The following ARHGAP24 variants were observed in gnomAD, a reference collection of about 807,000 sequenced individuals.
ARHGAP24 encodes the protein Rho GTPase activating protein 24.
A neutral mutation model predicts 76.4 loss-of-function variants in ARHGAP24; 50 were observed. That is an observed-to-expected ratio of 0.65 (90% CI 0.52 to 0.83). The LOEUF (loss-of-function observed/expected upper bound fraction) is 0.83, where lower values mean the gene tolerates loss of function less well. Ranked by LOEUF, ARHGAP24 falls within the 40% of genes least tolerant of loss-of-function variation. The probability of loss-of-function intolerance (pLI) is 0.00; values close to 1 mark genes in which losing one functional copy is unlikely to be tolerated. For missense variants in ARHGAP24, 930 were observed against 914.2 expected, an observed-to-expected ratio of 1.02 and a Z score of -0.22; for synonymous variants, 345 against 323.3, an observed-to-expected ratio of 1.07 and a Z score of -0.72.
chr4:85,959,810 G>A (rs1738139048), intron 5 of ARHGAP24, among the ~76,000 whole-genome samples: 2 of 152,156 alleles, frequency 1.3e-5, no homozygotes, highest in South Asian at 4.1e-4. Flanking sequence ...ATTTCCAACA[G>A]CAATGTATGA....
intron 1 of ARHGAP24, among the ~76,000 whole-genome samples, chr4:85,500,768 G>C (rs1438639542): frequency 6.6e-5 from 10 of 152,182 alleles, no homozygotes; most frequent in Non-Finnish European, 1.3e-4. Flanking sequence ...GCACAACGGG[G>C]AGGTTTGTTA....
At chr4:85,894,970 AAAAAAAAAAAAAAAAAAACAAAAC>A (rs1560701526) in intron 3 of ARHGAP24, among the ~76,000 whole-genome samples, 828 of 39,030 alleles carry the variant, frequency 0.021, 40 homozygotes, top group Middle Eastern at 0.043. Context: ...CAAAAAAAAA[AAAAAAAAAAAAAAAAAAACAAAAC>A]AAAAAGCAAA....
chr4:85,948,699 C>T (rs751260915), intron 5 of ARHGAP24, among the ~76,000 whole-genome samples: 2 of 152,116 alleles, frequency 1.3e-5, no homozygotes, highest in African/African-American at 4.8e-5. Flanking sequence ...CTGAAGAAAT[C>T]ATAAAAAAAG....
At chr4:85,697,824 G>A (rs907888619) in intron 2 of ARHGAP24, among the ~76,000 whole-genome samples, 49 of 152,210 alleles carry the variant, frequency 3.2e-4, no homozygotes, top group African/African-American at 9.9e-4. Flanking sequence ...GAGACAGGCA[G>A]GAAAGGGAAG....
At chr4:85,989,064 TAGAG>T (rs1027264133) in intron 8 of ARHGAP24, among the ~76,000 whole-genome samples, 5 of 150,492 alleles carry the variant, frequency 3.3e-5, no homozygotes, top group Admixed American at 6.6e-5. Context: ...ATCAAGAAAA[TAGAG>T]AGAGAACAAA....
chr4:85,865,495 A>G (rs1732145001), intron 3 of ARHGAP24, among the ~76,000 whole-genome samples: 1 of 147,582 alleles, frequency 6.8e-6, no homozygotes, highest in East Asian at 1.9e-4. Flanking sequence ...AATAATAAAT[A>G]ATTTAAATAA....
At chr4:85,492,032 C>T (rs1723376715) in intron 1 of ARHGAP24, among the ~76,000 whole-genome samples, 1 of 150,994 alleles carries the variant, frequency 6.6e-6, no homozygotes, top group African/African-American at 2.4e-5. Flanking sequence ...CTTTTTATTT[C>T]CTCTCTCTCT....
intron 4 of ARHGAP24, among the ~76,000 whole-genome samples, chr4:85,928,161 A>C (rs764595718): frequency 1.3e-5 from 2 of 152,162 alleles, no homozygotes. Flanking sequence ...CATAAAAGTC[A>C]AATTCAAAAA....
In ARHGAP24 at chr4:86,000,729, T is replaced by G; in HGVS notation, c.*7T>G. The G allele has an allele frequency of 6.2e-7, 1 of 1,613,714 alleles. No individual in the cohort carries two copies. Among genetic ancestry groups the G allele is most frequent in the Non-Finnish European group, 8.5e-7 (1 of 1,179,742 alleles). On this transcript the variant is annotated 3_prime_UTR_variant, in exon 10 of 10. Coordinates refer to ENST00000395184, the MANE Select transcript of ARHGAP24 (RefSeq NM_001025616.3). ...CACAATATGGATTCAGTGAGCCTGC[T>G]TTCGCCTGCTGTCTCTGATGGCTCT...
chr4:85,840,785 A>G (rs1730557774), intron 3 of ARHGAP24, among the ~76,000 whole-genome samples: 1 of 152,238 alleles, frequency 6.6e-6, no homozygotes, highest in African/African-American at 2.4e-5. Context: ...AAGTTGTGTT[A>G]AAGTTGCCAC....
chr4:85,981,295 CAG>C (rs756659476), intron 8 of ARHGAP24, among the ~76,000 whole-genome samples: 4 of 152,172 alleles, frequency 2.6e-5, no homozygotes, highest in Non-Finnish European at 5.9e-5. Flanking sequence ...ATACAGCTGT[CAG>C]AGTTTGTTGC....
intron 2 of ARHGAP24, among the ~76,000 whole-genome samples, chr4:85,678,085 C>T (rs74780330): frequency 0.02 from 3,037 of 151,882 alleles, 98 homozygotes; most frequent in African/African-American, 0.069. Flanking sequence ...AAAGGCTATT[C>T]CTGGCCTGCC....
intron 9 of ARHGAP24, among the ~76,000 whole-genome samples, chr4:85,996,958 A>G (rs1009528501): frequency 6.6e-6 from 1 of 152,164 alleles, no homozygotes; most frequent in African/African-American, 2.4e-5. Context: ...ATTTCTGAGG[A>G]TGTTGCTGAT....
At chr4:85,475,591 A>G (rs1306137096) in intron 1 of ARHGAP24, 32 bp downstream of exon 1, 2 of 149,352 alleles carry the variant, frequency 1.3e-5, no homozygotes, top group East Asian at 2.0e-4. Context: ...AAGTGCGCGG[A>G]GCTACCGCGG....
intron 2 of ARHGAP24, among the ~76,000 whole-genome samples, chr4:85,619,905 C>T (rs772817587): frequency 6.6e-6 from 1 of 151,564 alleles, no homozygotes; most frequent in Non-Finnish European, 1.5e-5. Flanking sequence ...GCCTTATCTG[C>T]ATCTATTGAA....
chr4:85,762,967 C>T (rs933274331), intron 3 of ARHGAP24, among the ~76,000 whole-genome samples: 9 of 152,166 alleles, frequency 5.9e-5, no homozygotes, highest in Admixed American at 5.2e-4. Context: ...TTTAGTGACA[C>T]AATAGCTTAA....
chr4:85,796,907 A>C (rs1417704708), intron 3 of ARHGAP24, among the ~76,000 whole-genome samples: 2 of 152,064 alleles, frequency 1.3e-5, no homozygotes, highest in Non-Finnish European at 2.9e-5. Flanking sequence ...ATTCATGTGG[A>C]GGTATCTCAC....
intron 6 of ARHGAP24, among the ~76,000 whole-genome samples, chr4:85,974,152 G>A (rs1055025189): frequency 2.0e-5 from 3 of 151,496 alleles, no homozygotes; most frequent in Non-Finnish European, 2.9e-5. Flanking sequence ...CAATGCACCC[G>A]GCCTAACTGC....
intron 1 of ARHGAP24, among the ~76,000 whole-genome samples, chr4:85,547,874 C>T (rs1262451002): frequency 6.6e-6 from 1 of 152,124 alleles, no homozygotes; most frequent in Non-Finnish European, 1.5e-5. Context: ...AAACTTCTAC[C>T]TACTAGTTTT....
Sources: gnomAD v4.1 joint callset for allele counts (sites outside exome capture counted in the v4.1 genomes callset) on GRCh38, gnomAD v4.1.1 for gene constraint, MANE v1.5 for transcripts, NCBI Gene and HGNC (gene_info 2026-07-23, HGNC 2026-07-21) for gene names.